Variants in ABR observed in about 807,000 individuals in gnomAD.
ABR encodes active breakpoint cluster region-related protein.
A neutral mutation model predicts 107.2 loss-of-function variants in ABR; 35 were observed. The ratio of observed to expected loss-of-function variants is 0.33; its 90% CI spans 0.25 to 0.43. The LOEUF (loss-of-function observed/expected upper bound fraction) is 0.43. ABR is among the 20% of genes least tolerant of loss of function. The pLI is 1.00. For synonymous variants in ABR, 498 were observed against 462.0 expected (o/e 1.08, Z -1.00); for missense variants, 815 against 1,115.2 (o/e 0.73, Z 3.83).
intron 1 of ABR, among the ~76,000 whole-genome samples, chr17:1,226,693 G>A (rs2043225265): frequency 8.5e-6 from 1 of 117,748 alleles, no homozygotes; most frequent in Non-Finnish European, 2.0e-5. Flanking sequence ...GTTTACATGT[G>A]CAGGTGTGTG....
chr17:1,078,765 C>G lies in ABR; in HGVS notation c.700+565G>C, dbSNP rs1404885132. ...ACATCTAAGCCCACTCCAGCCGGCCCCCAGAGGTGGGAGGGTCCGCCACCT... is the reference window on the plus strand; with the variant it reads ...ACATCTAAGCCCACTCCAGCCGGCCGCCAGAGGTGGGAGGGTCCGCCACCT... On this transcript the variant is annotated intron_variant, in intron 6 of 22. Coordinates refer to ENST00000302538, the MANE Select transcript of ABR (RefSeq NM_021962.5). The surrounding 1 kb of genome is among the most constrained non-coding windows in gnomAD (Gnocchi z 7.5). 6.5e-7 allele frequency: 1 copy of G among 1,528,270 alleles called. No homozygotes were observed. Among genetic ancestry groups the G allele is most frequent in the East Asian group, 2.4e-5 (1 of 40,828 alleles). 94.7% of individuals were successfully genotyped at this position (1,528,270 alleles called of 1,614,324 possible). A position where few individuals can be genotyped will look rare whatever the true frequency, so the allele number is the denominator to read the frequency against.
intron 1 of ABR, among the ~76,000 whole-genome samples, chr17:1,170,005 T>TGG (rs1392655829): frequency 7.7e-6 from 1 of 130,470 alleles, no homozygotes; most frequent in African/African-American, 3.0e-5. Context: ...TGTGTGTGTG[T>TGG]GTGGGGGGGG....
upstream of ABR, chr17:1,187,380 G>A (rs1286817916): frequency 5.9e-5 from 9 of 152,374 alleles, no homozygotes; most frequent in African/African-American, 2.2e-4. Context: ...GCCATCTGGC[G>A]GCCGCACAGC....
chr17:1,043,901 G>C (rs2031097752), intron 16 of ABR, among the ~76,000 whole-genome samples: 1 of 152,230 alleles, frequency 6.6e-6, no homozygotes, highest in African/African-American at 2.4e-5. Flanking sequence ...ATGACGCAGG[G>C]CCGGGGGGCG....
chr17:1,107,549 G>A (rs2038341861), intron 2 of ABR, among the ~76,000 whole-genome samples: 1 of 152,232 alleles, frequency 6.6e-6, no homozygotes, highest in Non-Finnish European at 1.5e-5. Flanking sequence ...GGCAGCCTCT[G>A]AGTGGGCCCA....
Position 1,120,173 on chromosome 17 carries a change from C to T in ABR, c.246+5010G>A, listed in dbSNP as rs9747439. ...TTGGGGCTCTTAAATGAAACCAACA[C>T]GTGAAAGGTTCAGCACAAGCCTCTC... On this transcript the variant is annotated intron_variant, in intron 2 of 22. Transcript: ENST00000302538. Among the ~76,000 whole-genome samples the T allele has an allele frequency of 3.9e-5, 6 of 152,066 alleles. No homozygotes were observed. In the South Asian group the frequency reaches 6.2e-4, roughly 16 times the overall value.
intron 16 of ABR, among the ~76,000 whole-genome samples, chr17:1,026,964 C>T (rs543290689): frequency 6.6e-6 from 1 of 150,876 alleles, no homozygotes; most frequent in African/African-American, 2.4e-5. Flanking sequence ...AGACTCACAC[C>T]TGCAGGCTTG....
intron 2 of ABR, chr17:1,100,948 C>T (rs937715802): frequency 1.2e-5 from 7 of 576,040 alleles, no homozygotes; most frequent in South Asian, 4.1e-5. Context: ...CTCAGCCTCC[C>T]GAGTAGCTGG....
chr17:1,045,172 T>C (rs1038201917), intron 16 of ABR, among the ~76,000 whole-genome samples: 1 of 152,224 alleles, frequency 6.6e-6, no homozygotes, highest in East Asian at 1.9e-4. Flanking sequence ...TCTCTTTGCT[T>C]CTACTGCAAT....
In ABR at chr17:1,070,485, G is replaced by C. The variant is rs1430016137; in HGVS notation, c.895-395C>G. Among the ~76,000 whole-genome samples, 1 of 152,160 alleles carries C rather than the reference G, an allele frequency of 6.6e-6. No homozygotes were observed. The highest frequency in any genetic ancestry group is 2.4e-5 in the African/African-American group (1 of 41,434). On this transcript the variant is annotated intron_variant, in intron 8 of 22. Coordinates refer to ENST00000302538, the MANE Select transcript of ABR (RefSeq NM_021962.5). This position sits in a 1 kb window ranked among gnomAD's most constrained non-coding sequence, Gnocchi z 4.2. ...GGAGCCCCCTGCCCGGGACGACCTGGTTTCTCCACCCTGGGGCACGAACAT... is the reference window on the plus strand; with the variant it reads ...GGAGCCCCCTGCCCGGGACGACCTGCTTTCTCCACCCTGGGGCACGAACAT...
intron 16 of ABR, among the ~76,000 whole-genome samples, chr17:1,042,862 C>G (rs1440424384): frequency 1.3e-5 from 2 of 152,198 alleles, no homozygotes; most frequent in African/African-American, 2.4e-5. Context: ...GCATCTACAT[C>G]CAGGGAAATT....
chr17:1,147,037 C>T (rs1463979910), intron 1 of ABR, among the ~76,000 whole-genome samples: 1 of 152,278 alleles, frequency 6.6e-6, no homozygotes, highest in Non-Finnish European at 1.5e-5. Context: ...TCTTTCTGGG[C>T]ACATGGAAGG....
intron 1 of ABR, among the ~76,000 whole-genome samples, chr17:1,176,335 C>T (rs753574599): frequency 5.9e-5 from 9 of 152,182 alleles, no homozygotes; most frequent in African/African-American, 1.9e-4. Flanking sequence ...TAGAGAATGG[C>T]GTCCCCCATT....
At chr17:1,191,003 CACG>C (rs1408151227), upstream of ABR, among the ~76,000 whole-genome samples, 1 of 152,220 alleles carries the variant, frequency 6.6e-6, no homozygotes, top group East Asian at 1.9e-4. Flanking sequence ...AGGGCTTGGG[CACG>C]ACTTCTGCGG....
intron 1 of ABR, among the ~76,000 whole-genome samples, chr17:1,203,747 C>G (rs993880233): frequency 6.6e-6 from 1 of 152,136 alleles, no homozygotes; most frequent in Non-Finnish European, 1.5e-5. Flanking sequence ...TGGCGCCCCC[C>G]GGGCCTGCCT....
chr17:1,007,440 T>G, intron 21 of ABR, 128 bp from the exon 22 acceptor site: 1 of 1,156,824 alleles, frequency 8.6e-7, no homozygotes, highest in Non-Finnish European at 1.2e-6. Flanking sequence ...CTCTGTCTCC[T>G]AGGAGTGGGG....
In ABR at chr17:1,060,522, C is replaced by T. The variant is rs148513716; in HGVS notation, c.1183-1655G>A. Among the ~76,000 whole-genome samples, 362 of 152,232 alleles carry T rather than the reference C, an allele frequency of 2.4e-3. 4 individuals are homozygous for T. Among genetic ancestry groups the T allele is most frequent in the African/African-American group, 7.6e-3 (315 of 41,524 alleles). On this transcript the variant is annotated intron_variant, in intron 10 of 22. Transcript: ENST00000302538. ...AGTCTAGTCTCATTGGACACGCGGGCGCACACCAGCATAAGCAAAGAAGAG... is the reference window on the plus strand; with the variant it reads ...AGTCTAGTCTCATTGGACACGCGGGTGCACACCAGCATAAGCAAAGAAGAG...
intron 6 of ABR, 170 bp downstream of exon 6, chr17:1,079,160 G>A (rs916208893): frequency 1.1e-4 from 154 of 1,449,984 alleles, no homozygotes; most frequent in Non-Finnish European, 1.3e-4. Flanking sequence ...GTCCTCGCGT[G>A]CGCGCACACG....
At chr17:1,040,471 T>C (rs2030201093) in intron 16 of ABR, among the ~76,000 whole-genome samples, 1 of 152,226 alleles carries the variant, frequency 6.6e-6, no homozygotes, top group South Asian at 2.1e-4. Flanking sequence ...CAGCCGGCAT[T>C]GAGGGCCCCA....
Sources: allele counts gnomAD v4.1 joint callset (sites outside exome capture counted in the v4.1 genomes callset), GRCh38; gene constraint gnomAD v4.1.1; non-coding constraint Gnocchi (gnomAD v3.1); transcripts MANE v1.5; gene names NCBI Gene and HGNC (gene_info 2026-07-23, HGNC 2026-07-21).